The following HERC6 variants were observed in gnomAD, a reference collection of about 807,000 sequenced individuals.
The protein encoded by HERC6 is HECT and RLD domain containing E3 ubiquitin protein ligase family member 6.
In HERC6, 101 loss-of-function variants were observed where a neutral mutation model predicts 114.5. The ratio of observed to expected loss-of-function variants is 0.88; its 90% CI spans 0.75 to 1.04. The LOEUF is 1.04. HERC6 is among the 50% of genes least tolerant of loss of function. The probability of loss-of-function intolerance (pLI) is 0.00; values close to 1 mark genes in which losing one functional copy is unlikely to be tolerated. For missense variants in HERC6, 1,133 were observed against 1,230.9 expected, an observed-to-expected ratio of 0.92 and a Z score of 1.19; for synonymous variants, 408 against 436.2, an observed-to-expected ratio of 0.94 and a Z score of 0.81.
chr4:88,442,632 C>G lies in HERC6; in HGVS notation c.*172C>G, dbSNP rs1739452468. The G allele has an allele frequency of 1.6e-6, 1 of 629,908 alleles. No homozygotes were observed. The highest frequency in any genetic ancestry group is 1.8e-5 in the African/African-American group (1 of 54,406). The allele number at this position is 629,908 out of a possible 1,614,324, so 39.0% of individuals were successfully genotyped here. On this transcript the variant is annotated 3_prime_UTR_variant, in exon 23 of 23. Coordinates refer to ENST00000264346, the MANE Select transcript of HERC6 (RefSeq NM_017912.4). ...AAAGGGTGCAAAATCTCACACAAGA[C>G]TGAGGCAGGAGAATAGGGTACAGAG...
chr4:88,397,553 C>T lies in HERC6; in HGVS notation c.1024+566C>T, dbSNP rs191632757. On this transcript the variant is annotated intron_variant, in intron 7 of 22. Transcript: ENST00000264346. ...CTCTAGTAAAAATATAAAAATTAGC[C>T]GGGCGTGGTGGTGCAAGCCTGTAAT... is the stretch of plus-strand genomic sequence containing the variant. Among the ~76,000 whole-genome samples the T allele has an allele frequency of 1.9e-3, 295 of 151,392 alleles. 5 individuals are homozygous for T. Among genetic ancestry groups the T allele is most frequent in the South Asian group, 0.019 (90 of 4,746 alleles).
At chr4:88,423,764 C>A (rs2148953335) in intron 13 of HERC6, 96 bp from the exon 14 acceptor site, 1 of 471,854 alleles carries the variant, frequency 2.1e-6, no homozygotes, top group Non-Finnish European at 3.7e-6. Context: ...CTTTCTTCTT[C>A]TTATCTGTAT....
At chr4:88,381,341 G>A (rs1311695506) in intron 1 of HERC6, among the ~76,000 whole-genome samples, 2 of 152,086 alleles carry the variant, frequency 1.3e-5, no homozygotes, top group African/African-American at 4.8e-5. Context: ...GGAATTTACA[G>A]AATAGAAGTG....
chr4:88,437,677 T>G, intron 19 of HERC6, 34 bp from the exon 20 acceptor site: 31 of 1,370,454 alleles, frequency 2.3e-5, no homozygotes, highest in Non-Finnish European at 2.9e-5. Flanking sequence ...AAACTTACTT[T>G]GATATTTGGT....
chr4:88,421,260 C>A (rs2148938503), intron 13 of HERC6, among the ~76,000 whole-genome samples: 1 of 152,160 alleles, frequency 6.6e-6, no homozygotes, highest in South Asian at 2.1e-4. Flanking sequence ...AATGTCTGTA[C>A]AAATTTTTGT....
In HERC6 at chr4:88,423,904, A is replaced by G; in HGVS notation, c.1758A>G (p.Ile586Met). The change falls in exon 14 of 23, where the codon ATA becomes ATG. Residue 586 changes from isoleucine (I) to methionine (M), a missense_variant. Physicochemically the swap from Ile to Met is conservative, Grantham distance 10. Coordinates refer to ENST00000264346, the MANE Select transcript of HERC6 (RefSeq NM_017912.4). Reference protein sequence around the residue: ...NCRLPENTFNINELSNLLNFY... With the variant: ...NCRLPENTFNMNELSNLLNFY... ...GACTACCAGAAAATACTTTCAACAT[A>G]AATGAACTCTCCAACTTATTAAACT... 2 of 1,578,202 alleles carry G rather than the reference A, an allele frequency of 1.3e-6. No homozygotes were observed. Among genetic ancestry groups the G allele is most frequent in the Non-Finnish European group, 1.7e-6 (2 of 1,164,404 alleles).
chr4:88,429,509 C>A (rs1330793783), intron 16 of HERC6, among the ~76,000 whole-genome samples: 1 of 152,202 alleles, frequency 6.6e-6, no homozygotes, highest in African/African-American at 2.4e-5. Flanking sequence ...GCTAGCCATC[C>A]TTCCTTTTAT....
chr4:88,420,730 G>C (rs1165305453), intron 13 of HERC6, among the ~76,000 whole-genome samples: 1 of 152,090 alleles, frequency 6.6e-6, no homozygotes, highest in Admixed American at 6.6e-5. Flanking sequence ...TCAGGAGTTT[G>C]AGACCAGCCT....
At chr4:88,398,407 CCCA>C in intron 8 of HERC6, 198 bp downstream of exon 8, 2 of 410,708 alleles carry the variant, frequency 4.9e-6, no homozygotes, top group Non-Finnish European at 8.6e-6. Context: ...ATTAGACCCC[CCCA>C]CCACCACCAT....
chr4:88,442,447 T>A lies in HERC6; in HGVS notation c.3056T>A (p.Leu1019His). The A allele has an allele frequency of 1.2e-6, 2 of 1,613,378 alleles. No individual in the cohort carries two copies. Among genetic ancestry groups the A allele is most frequent in the Non-Finnish European group, 1.7e-6 (2 of 1,179,618 alleles). ...AACAGAGGATTTGTCTCACCCATGC[T>A]CACACAGTCATAATCACCTCTGAGA... ...NNNRGFVSPMLTQS is the reference protein window; with the variant it reads ...NNNRGFVSPMHTQS The change falls in exon 23 of 23, where the codon CTC (leucine) becomes CAC (histidine). Residue 1019 changes from leucine to histidine, a missense_variant. Physicochemically the swap from Leu to His is moderately conservative, Grantham distance 99. This residue lies in a region of HERC6 where 388 missense variants were observed against 445.9 expected (regional missense o/e 0.87). Transcript: ENST00000264346.
At chr4:88,431,964 T>G (rs1485807685) in intron 17 of HERC6, among the ~76,000 whole-genome samples, 2 of 152,208 alleles carry the variant, frequency 1.3e-5, no homozygotes, top group Non-Finnish European at 2.9e-5. Context: ...TTACTGCTTC[T>G]CAAAATTTAG....
intron 8 of HERC6, among the ~76,000 whole-genome samples, chr4:88,400,810 G>A (rs144434350): frequency 6.6e-6 from 1 of 152,036 alleles, no homozygotes; most frequent in Non-Finnish European, 1.5e-5. Context: ...CTCTTACTGT[G>A]CTTAATTTAT....
At chr4:88,406,892 G>A (rs2148894226) in intron 10 of HERC6, among the ~76,000 whole-genome samples, 1 of 152,096 alleles carries the variant, frequency 6.6e-6, no homozygotes, top group South Asian at 2.1e-4. Flanking sequence ...GAATAGCTGG[G>A]ATTACAGGTG....
At chr4:88,380,777 G>T (rs1230988407) in intron 1 of HERC6, among the ~76,000 whole-genome samples, 1 of 151,298 alleles carries the variant, frequency 6.6e-6, no homozygotes, top group Non-Finnish European at 1.5e-5. Context: ...TAATCGTTAT[G>T]GATTATTGTA....
chr4:88,437,001 T>C (rs761330834), intron 19 of HERC6, 30 bp downstream of exon 19: 1 of 1,485,192 alleles, frequency 6.7e-7, no homozygotes, highest in South Asian at 1.3e-5. Flanking sequence ...AAATTATAGT[T>C]TAGCTTTAAT....
At chr4:88,408,410 C>A (rs1336846794) in intron 10 of HERC6, 114 bp from the exon 11 acceptor site, 3 of 704,336 alleles carry the variant, frequency 4.3e-6, no homozygotes, top group South Asian at 3.3e-5. Context: ...AGGAGGTAAG[C>A]TTTAAGAAAA....
chr4:88,431,269 T>A lies in HERC6; in HGVS notation c.2214T>A (p.Tyr738Ter). ...AGCCAGAATATGGAATGTTCATGTA[T>A]CCTGAAATGGGTTCCTGCATGTGGT... The part of the protein sequence containing the change: ...MTKPEYGMFM[Y>*]PEMGSCMWFP... The change falls in exon 17 of 23, where the codon TAT becomes TAA. Residue 738 changes from tyrosine to a stop codon, truncating the protein, a stop_gained. Coordinates refer to ENST00000264346, the MANE Select transcript of HERC6 (RefSeq NM_017912.4). LOFTEE classifies it high-confidence loss of function. 1 of 1,611,230 alleles carries A rather than the reference T, an allele frequency of 6.2e-7. No individual in the cohort carries two copies. The highest frequency in any genetic ancestry group is 8.5e-7 in the Non-Finnish European group (1 of 1,178,982).
intron 3 of HERC6, among the ~76,000 whole-genome samples, chr4:88,389,664 G>A (rs902401425): frequency 6.6e-6 from 1 of 152,016 alleles, no homozygotes; most frequent in African/African-American, 2.4e-5. Flanking sequence ...TTTTGAAGGT[G>A]ACCTGGACCG....
chr4:88,415,522 T>C (rs1258393191), intron 12 of HERC6, among the ~76,000 whole-genome samples: 1 of 152,258 alleles, frequency 6.6e-6, no homozygotes, highest in Non-Finnish European at 1.5e-5. Context: ...TTGGGAAACC[T>C]GTCCGTACTG....
Sources: allele counts gnomAD v4.1 joint callset (sites outside exome capture counted in the v4.1 genomes callset), GRCh38; gene constraint gnomAD v4.1.1; regional missense constraint gnomAD v4.1.1; transcripts MANE v1.5; gene names NCBI Gene and HGNC (gene_info 2026-07-23, HGNC 2026-07-21).